Variants in ARHGEF11 observed in about 807,000 individuals in gnomAD.
The protein encoded by ARHGEF11 is Rho guanine nucleotide exchange factor 11.
In ARHGEF11, 55 loss-of-function variants were observed where a neutral mutation model predicts 193.7. That is an observed-to-expected ratio of 0.28 (90% CI 0.23 to 0.36). ARHGEF11 has a LOEUF of 0.36. ARHGEF11 is among the 10% of genes least tolerant of loss of function. The pLI is 1.00. For missense variants in ARHGEF11, 1,723 were observed against 2,005.6 expected, an observed-to-expected ratio of 0.86 and a Z score of 2.69; for synonymous variants, 693 against 768.0, an observed-to-expected ratio of 0.90 and a Z score of 1.62.
rs1486825154 is a variant in ARHGEF11 at position 156,951,618 on chromosome 1, C to T, written c.1880G>A (p.Arg627Gln). The T allele has an allele frequency of 9.9e-6, 16 of 1,614,188 alleles. No individual in the cohort carries two copies. The highest frequency in any genetic ancestry group is 1.1e-5 in the Non-Finnish European group (13 of 1,180,036). Residue 627 changes from arginine (R) to glutamine (Q), a missense_variant, in exon 22 of 41, where the codon CGA (arginine) becomes CAA (glutamine). By Grantham distance (43) the Arg-to-Gln change is conservative. This residue lies in a region of ARHGEF11 where 491 missense variants were observed against 654.5 expected (regional missense o/e 0.75). Coordinates refer to ENST00000368194, the MANE Select transcript of ARHGEF11 (RefSeq NM_198236.3). Reference sequence around the variant, plus strand: ...CTCAGGAAAGCTTCCGGTCGAGAGTCGTTGTGTCCCAGGTTCTGGGGCATC... The same window carrying T: ...CTCAGGAAAGCTTCCGGTCGAGAGTTGTTGTGTCCCAGGTTCTGGGGCATC... Reference protein sequence around the residue: ...QYDAPEPGTQRLSTGSFPEDL... With the variant: ...QYDAPEPGTQQLSTGSFPEDL...
chr1:157,032,006 T>G (rs1378639966), intron 1 of ARHGEF11, among the ~76,000 whole-genome samples: 1 of 152,228 alleles, frequency 6.6e-6, no homozygotes, highest in East Asian at 1.9e-4. Flanking sequence ...AATCCAAAAC[T>G]GAATTATTGA....
At chr1:156,947,985 T>C (rs750959231) in intron 24 of ARHGEF11, 29 bp from the exon 25 acceptor site, 134 of 1,606,818 alleles carry the variant, frequency 8.3e-5, no homozygotes, top group Middle Eastern at 3.3e-4. Flanking sequence ...CTCAGCTTCA[T>C]TTAGGAGGAA....
intron 14 of ARHGEF11, 65 bp downstream of exon 14, chr1:156,961,612 T>C (rs1040133202): frequency 6.9e-7 from 1 of 1,459,694 alleles, no homozygotes; most frequent in Non-Finnish European, 9.6e-7. Context: ...TTTGCTTAAT[T>C]TTCCCTGCCT....
intron 1 of ARHGEF11, among the ~76,000 whole-genome samples, chr1:157,004,056 A>G (rs1031695258): frequency 7.9e-5 from 12 of 152,212 alleles, no homozygotes; most frequent in African/African-American, 2.9e-4. Context: ...AAAGACACAT[A>G]TTCAAATCAA....
chr1:156,941,335 C>T, intron 35 of ARHGEF11, 37 bp downstream of exon 35: 1 of 1,611,486 alleles, frequency 6.2e-7, no homozygotes, highest in Non-Finnish European at 8.5e-7. Flanking sequence ...AGAAAAAGGC[C>T]TGGGCTGGCT....
At chr1:156,965,421 C>T (rs1661556284) in intron 11 of ARHGEF11, among the ~76,000 whole-genome samples, 1 of 152,206 alleles carries the variant, frequency 6.6e-6, no homozygotes, top group African/African-American at 2.4e-5. Context: ...CTGACCCTGC[C>T]AGTAACAAGG....
chr1:156,980,718 A>G (rs1000649064), intron 3 of ARHGEF11, among the ~76,000 whole-genome samples: 2 of 151,694 alleles, frequency 1.3e-5, no homozygotes, highest in African/African-American at 4.8e-5. Flanking sequence ...ATAAGATGCC[A>G]GACTTCTGAT....
Position 156,946,114 on chromosome 1 carries a change from T to G in ARHGEF11, c.2743A>C (p.Ile915Leu). 2 of 1,613,640 alleles carry G rather than the reference T, an allele frequency of 1.2e-6. No homozygotes were observed. Among genetic ancestry groups the G allele is most frequent in the South Asian group, 2.2e-5 (2 of 91,050 alleles). The change falls in exon 29 of 41, where the codon ATC (isoleucine) becomes CTC (leucine). Residue 915 changes from isoleucine to leucine, a missense_variant. Coordinates refer to ENST00000368194, the MANE Select transcript of ARHGEF11 (RefSeq NM_198236.3). ...GTGAGCCGCTGCATCTCAGAGATGA[T>G]GAGGTCTCTCAGCTGCAGCCGCCGA... is the stretch of plus-strand genomic sequence containing the variant. The part of the protein sequence containing the change: ...QCRRLQLRDL[I>L]ISEMQRLTKY...
At chr1:156,995,875 T>C (rs1175453865) in intron 1 of ARHGEF11, among the ~76,000 whole-genome samples, 2 of 152,078 alleles carry the variant, frequency 1.3e-5, no homozygotes, top group East Asian at 3.9e-4. Flanking sequence ...TCTGCTCTTT[T>C]CCCATTTAAT....
chr1:157,003,678 T>C (rs566770674), intron 1 of ARHGEF11, among the ~76,000 whole-genome samples: 37 of 152,378 alleles, frequency 2.4e-4, no homozygotes, highest in Admixed American at 1.2e-3. Flanking sequence ...TAAGCCAGCC[T>C]GGCTCTGAGT....
rs1672913362 is a variant in ARHGEF11, at chr1:157,042,723, G to A, written c.32+1576C>T. On this transcript the variant is annotated intron_variant, in intron 1 of 40. Transcript: ENST00000368194. The stretch of plus-strand genomic sequence containing the variant: ...CCAGGAGTGTCTCACATCAACCCAG[G>A]AAGGCTCACCGCCTCCTCCTTCTTG... 5.9e-5 allele frequency among the ~76,000 whole-genome samples: 9 copies of A among 152,220 alleles called. No individual in the cohort carries two copies. The South Asian group carries it at 1.9e-3, about 32-fold the overall frequency.
Position 156,948,413 on chromosome 1 carries a change from G to A in ARHGEF11, c.2011C>T (p.Pro671Ser). ...ATGTCAACATCACTGCGAGAGCGGGGCACGTTCTCTGCCTTTCGAGACCGT... is the reference window on the plus strand; with the variant it reads ...ATGTCAACATCACTGCGAGAGCGGGACACGTTCTCTGCCTTTCGAGACCGT... ...MKRSRKAENV[P>S]RSRSDVDMDA... Residue 671 changes from proline to serine, a missense_variant, in exon 23 of 41, where the codon CCC becomes TCC. Pro to Ser is a moderately conservative substitution (Grantham distance 74, BLOSUM62 -1). Coordinates refer to ENST00000368194, the MANE Select transcript of ARHGEF11 (RefSeq NM_198236.3). This position sits in a 1 kb window ranked among gnomAD's most constrained non-coding sequence, Gnocchi z 4.2. The A allele has an allele frequency of 6.2e-7, 1 of 1,614,252 alleles. No homozygotes were observed. Among genetic ancestry groups the A allele is most frequent in the South Asian group, 1.1e-5 (1 of 91,086 alleles).
At position 156,947,357 on chromosome 1, in the gene ARHGEF11, C is replaced by A; in HGVS notation, c.2435G>T (p.Arg812Leu). 1 of 1,613,964 alleles carries A rather than the reference C, an allele frequency of 6.2e-7. No homozygotes were observed. Among genetic ancestry groups the A allele is most frequent in the Non-Finnish European group, 8.5e-7 (1 of 1,179,952 alleles). ...CGGGAAGAGCCGGGCCAGCTCCTCC[C>A]GGGGCATCAGGTTCTCCTTCTTCAT... ...QRMKKENLMP[R>L]EELARLFPNL... Residue 812 changes from arginine (R) to leucine (L), a missense_variant, in exon 26 of 41, where the codon CGG becomes CTG. Arg to Leu is a moderately radical substitution (Grantham distance 102). Coordinates refer to ENST00000368194, the MANE Select transcript of ARHGEF11 (RefSeq NM_198236.3).
rs905496300 is a variant in ARHGEF11 at position 156,946,992 on chromosome 1, T to C, written c.2512A>G (p.Lys838Glu). Residue 838 changes from lysine to glutamate, a missense_variant, in exon 27 of 41, where the codon AAG becomes GAG. By Grantham distance (56) the Lys-to-Glu change is moderately conservative. Coordinates refer to ENST00000368194, the MANE Select transcript of ARHGEF11 (RefSeq NM_198236.3). ...ATGATGGGGCCTTCCTCCCGGAGCTTCTTCATGGCTTCACACCAGGAATCT... is the reference window on the plus strand; with the variant it reads ...ATGATGGGGCCTTCCTCCCGGAGCTCCTTCATGGCTTCACACCAGGAATCT... ...IHNSWCEAMK[K>E]LREEGPIIKE... 1.2e-6 allele frequency: 2 copies of C among 1,614,162 alleles called. No individual in the cohort carries two copies. The highest frequency in any genetic ancestry group is 1.3e-5 in the African/African-American group (1 of 75,036).
At position 156,948,801 on chromosome 1, in the gene ARHGEF11, T is replaced by C; in HGVS notation, c.1926-303A>G. 1 of 985,372 alleles carries C rather than the reference T, an allele frequency of 1.0e-6. No individual in the cohort carries two copies. Among genetic ancestry groups the C allele is most frequent in the Non-Finnish European group, 1.2e-6 (1 of 829,918 alleles). 61.0% of individuals were successfully genotyped at this position (985,372 alleles called of 1,614,324 possible). A position where few individuals can be genotyped will look rare whatever the true frequency, so the allele number is the denominator to read the frequency against. ...AATCTGGGGCTAACAGACTCTGAGT[T>C]GTAGTGTGTCCAGAGGCCTGAGACA... is the stretch of plus-strand genomic sequence containing the variant. On this transcript the variant is annotated intron_variant, in intron 22 of 40. Transcript: ENST00000368194. This position sits in a 1 kb window ranked among gnomAD's most constrained non-coding sequence, Gnocchi z 4.2.
intron 1 of ARHGEF11, among the ~76,000 whole-genome samples, chr1:157,026,002 T>G (rs1670590254): frequency 1.3e-5 from 2 of 152,238 alleles, no homozygotes; most frequent in Non-Finnish European, 2.9e-5. Flanking sequence ...ATCCTTTGCC[T>G]GGTTTATGTC....
At chr1:157,035,401 CT>C (rs113951875) in intron 1 of ARHGEF11, among the ~76,000 whole-genome samples, 1,935 of 142,266 alleles carry the variant, frequency 0.014, 89 homozygotes, top group Admixed American at 0.093. Context: ...TCACAAAATG[CT>C]TTTTTTTTTT....
intron 1 of ARHGEF11, among the ~76,000 whole-genome samples, chr1:157,036,468 T>C (rs1053125440): frequency 4.6e-5 from 7 of 151,850 alleles, no homozygotes; most frequent in Middle Eastern, 3.2e-3. Context: ...ACTACAGGCG[T>C]GCACCAACAC....
chr1:156,956,331 G>T, intron 19 of ARHGEF11, 89 bp downstream of exon 19: 2 of 1,401,960 alleles, frequency 1.4e-6, no homozygotes, highest in Non-Finnish European at 2.0e-6. Flanking sequence ...GCCCAGGCTG[G>T]TCTCGAACTC....
Sources: gnomAD v4.1 joint callset for allele counts (sites outside exome capture counted in the v4.1 genomes callset) on GRCh38, gnomAD v4.1.1 for gene constraint, gnomAD v4.1.1 regional missense constraint, Gnocchi (gnomAD v3.1) non-coding constraint, MANE v1.5 for transcripts, NCBI Gene and HGNC (gene_info 2026-07-23, HGNC 2026-07-21) for gene names.